The following RILPL1 variants were observed in gnomAD, a reference collection of about 807,000 sequenced individuals.
The protein encoded by RILPL1 is RILP-like protein 1.
In RILPL1, 33 loss-of-function variants were observed where a neutral mutation model predicts 50.3. That is an observed-to-expected ratio of 0.66 (90% CI 0.50 to 0.88). The LOEUF (loss-of-function observed/expected upper bound fraction) is 0.88. Among genes scored for constraint, RILPL1 ranks in the 40% least tolerant of loss-of-function variants. The pLI is 0.00. For missense variants in RILPL1, 418 were observed against 542.5 expected, an observed-to-expected ratio of 0.77 and a Z score of 2.28; for synonymous variants, 205 against 228.6, an observed-to-expected ratio of 0.90 and a Z score of 0.93.
At chr12:123,519,809 TAAC>T (rs1884927519) in intron 2 of RILPL1, 2 of 152,288 alleles carry the variant, frequency 1.3e-5, no homozygotes, top group Non-Finnish European at 1.5e-5. Context: ...CCTCCTGAGC[TAAC>T]CCTTTGGGAG....
rs1264314247 is a variant in RILPL1, at chr12:123,472,288, AAT to A, written c.*248_*249del. On this transcript the variant is annotated 3_prime_UTR_variant, in exon 7 of 7. Transcript: ENST00000376874. ...CTGGCCTCCGTTTGTGGGATTATTA[AAT>A]ATATATCCTACGGGATCAGAGTCAT... 4 of 443,930 alleles carry A rather than the reference AAT, an allele frequency of 9.0e-6. No homozygotes were observed. The Admixed American group carries it at 1.1e-4, about 12-fold the overall frequency. The allele number at this position is 443,930 out of a possible 1,614,324, so 27.5% of individuals were successfully genotyped here. A position where few individuals can be genotyped will look rare whatever the true frequency, so the allele number is the denominator to read the frequency against.
chr12:123,521,976 C>T (rs1037793034), intron 2 of RILPL1, among the ~76,000 whole-genome samples: 11 of 151,888 alleles, frequency 7.2e-5, no homozygotes, highest in Non-Finnish European at 1.5e-4. Flanking sequence ...GGTTTCATCA[C>T]GTTGGCCAGG....
intron 2 of RILPL1, among the ~76,000 whole-genome samples, chr12:123,509,481 T>C (rs1334141515): frequency 6.6e-6 from 1 of 151,136 alleles, no homozygotes; most frequent in East Asian, 2.0e-4. Context: ...GAGAATTGCT[T>C]GAACCTGAAA....
At chr12:123,475,606 A>C in intron 6 of RILPL1, 1 of 1,159,904 alleles carries the variant, frequency 8.6e-7, no homozygotes, top group Non-Finnish European at 1.2e-6. Context: ...GCAGTAGCCG[A>C]AGCAGACATT....
intron 2 of RILPL1, among the ~76,000 whole-genome samples, chr12:123,514,935 T>C (rs1593592361): frequency 8.5e-6 from 1 of 118,042 alleles, no homozygotes; most frequent in Non-Finnish European, 1.6e-5. Flanking sequence ...CATAAATACT[T>C]TTTTTTTTTT....
At chr12:123,512,093 TGA>T (rs1884331084) in intron 2 of RILPL1, among the ~76,000 whole-genome samples, 1 of 120,844 alleles carries the variant, frequency 8.3e-6, no homozygotes, top group Non-Finnish European at 1.7e-5. Flanking sequence ...GTGGTGTGTG[TGA>T]GGTCTGTGTG....
Position 123,489,686 on chromosome 12 carries a change from T to C in RILPL1, c.802-3881A>G, listed in dbSNP as rs76171627. On this transcript the variant is annotated intron_variant, in intron 4 of 6. Transcript: ENST00000376874. This position sits in a 1 kb window ranked among gnomAD's most constrained non-coding sequence, Gnocchi z 4.0. ...GACTCCATCTTAAAAAAAAAAAAAA[T>C]AGTGCACAGACACAAGATCTAACTG... 6.8e-6 allele frequency among the ~76,000 whole-genome samples: 1 copy of C among 147,624 alleles called. No homozygotes were observed. Among genetic ancestry groups the C allele is most frequent in the South Asian group, 2.1e-4 (1 of 4,684 alleles).
intron 2 of RILPL1, among the ~76,000 whole-genome samples, chr12:123,521,650 T>TACACACATATGTGTATATATATAC (rs1487452684): frequency 4.1e-5 from 1 of 24,260 alleles, no homozygotes; most frequent in South Asian, 1.2e-3. Context: ...TGTATATATA[T>TACACACATATGTGTATATATATAC]ACACATATAT....
In RILPL1 at chr12:123,533,321, C is replaced by A; in HGVS notation, c.162G>T (p.Met54Ile). The A allele has an allele frequency of 6.3e-6, 10 of 1,583,880 alleles. No individual in the cohort carries two copies. Among genetic ancestry groups the A allele is most frequent in the Non-Finnish European group, 8.6e-6 (10 of 1,168,384 alleles). The change falls in exon 1 of 7, where the codon ATG becomes ATT. Residue 54 changes from methionine to isoleucine, a missense_variant. Transcript: ENST00000376874. The surrounding 1 kb of genome is among the most constrained non-coding windows in gnomAD (Gnocchi z 6.2). The part of the protein sequence containing the change: ...QHGCEAIARL[M>I]PKVVRVLEIL... ...TCTCCAGGACGCGCACGACCTTGGG[C>A]ATGAGGCGCGCGATGGCCTCGCAGC...
intron 2 of RILPL1, among the ~76,000 whole-genome samples, chr12:123,521,673 ATATATATATATACACACATATATGT>A (rs1375968821): frequency 3.0e-4 from 2 of 6,754 alleles, no homozygotes; most frequent in Non-Finnish European, 6.5e-4. Context: ...ATATATATAA[ATATATATATATACACACATATATGT>A]ATATATATAT....
chr12:123,518,968 A>G (rs188684866), intron 2 of RILPL1, among the ~76,000 whole-genome samples: 3 of 149,798 alleles, frequency 2.0e-5, no homozygotes, highest in East Asian at 2.0e-4. Context: ...GAGGCAGGAG[A>G]ATCACTTGAA....
intron 6 of RILPL1, among the ~76,000 whole-genome samples, chr12:123,482,149 G>A (rs1593536894): frequency 6.6e-6 from 1 of 152,182 alleles, no homozygotes. Context: ...TGGGATTACA[G>A]GCGTGAGCTA....
At chr12:123,499,656 C>A in intron 2 of RILPL1, 120 bp from the exon 3 acceptor site, 2 of 724,346 alleles carry the variant, frequency 2.8e-6, no homozygotes, top group Non-Finnish European at 4.8e-6. Context: ...TCCCCAGCCT[C>A]ATCCTCTCCA....
intron 6 of RILPL1, chr12:123,475,644 A>C: frequency 6.5e-7 from 1 of 1,549,978 alleles, no homozygotes; most frequent in Non-Finnish European, 8.7e-7. Flanking sequence ...ACAAAACCCA[A>C]AACACACACA....
At chr12:123,525,101 C>T (rs1408859859) in intron 1 of RILPL1, among the ~76,000 whole-genome samples, 1 of 152,016 alleles carries the variant, frequency 6.6e-6, no homozygotes, top group African/African-American at 2.4e-5. Context: ...TACTGCACTC[C>T]AGCCTGGGTG....
At chr12:123,515,894 C>T (rs1593593825) in intron 2 of RILPL1, among the ~76,000 whole-genome samples, 3 of 151,684 alleles carry the variant, frequency 2.0e-5, no homozygotes, top group South Asian at 4.2e-4. Context: ...ATTAGCCAGG[C>T]GTGGTGGCAC....
intron 6 of RILPL1, among the ~76,000 whole-genome samples, chr12:123,483,720 AC>A: frequency 6.6e-6 from 1 of 152,050 alleles, no homozygotes; most frequent in East Asian, 1.9e-4. Flanking sequence ...TTATGCAGTA[AC>A]CCCTGCTTAA....
chr12:123,494,225 C>T (rs904152201), intron 4 of RILPL1, among the ~76,000 whole-genome samples: 2 of 152,218 alleles, frequency 1.3e-5, no homozygotes, highest in African/African-American at 4.8e-5. Flanking sequence ...AAGAGATGGA[C>T]AGGCCTAGGT....
intron 1 of RILPL1, among the ~76,000 whole-genome samples, chr12:123,525,636 G>A (rs1293445715): frequency 2.7e-5 from 4 of 147,654 alleles, no homozygotes; most frequent in African/African-American, 1.0e-4. Context: ...CAGAGGTGGA[G>A]GTTGTGGTGA....
Sources: gnomAD v4.1 joint callset for allele counts (sites outside exome capture counted in the v4.1 genomes callset) on GRCh38, gnomAD v4.1.1 for gene constraint, Gnocchi (gnomAD v3.1) non-coding constraint, MANE v1.5 for transcripts, NCBI Gene and HGNC (gene_info 2026-07-23, HGNC 2026-07-21) for gene names.